BAHCC1: variants seen among roughly 807,000 people sequenced by gnomAD.
BAHCC1 encodes BAH domain and coiled-coil containing 1.
A neutral mutation model predicts 88.2 loss-of-function variants in BAHCC1; 43 were observed. The observed-to-expected ratio is 0.49, with a 90% CI of 0.38 to 0.63. The LOEUF is 0.63. BAHCC1 is among the 20% of genes least tolerant of loss of function. BAHCC1 has a pLI of 0.00. For synonymous variants in BAHCC1, 1,510 were observed against 745.5 expected (o/e 2.03, Z -16.71); for missense variants, 3,023 against 1,654.8 (o/e 1.83, Z -14.34).
At chr17:81,456,114 G>A (rs927376352) in intron 15 of BAHCC1, 183 bp from the exon 16 acceptor site, 57 of 555,318 alleles carry the variant, frequency 1.0e-4, no homozygotes, top group Non-Finnish European at 1.5e-4. Context: ...AGGCCGCAGC[G>A]TAGGCTCCAG....
At chr17:81,407,006 C>CT (rs1194373040) in intron 2 of BAHCC1, 21 of 456,126 alleles carry the variant, frequency 4.6e-5, no homozygotes, top group South Asian at 2.8e-4. Flanking sequence ...GGGTTCCTGC[C>CT]TTCCCTTCTC....
intron 2 of BAHCC1, chr17:81,407,040 A>G (rs1172337310): frequency 5.5e-5 from 25 of 454,592 alleles, no homozygotes; most frequent in Non-Finnish European, 9.7e-5. Context: ...CCCAAGAAAA[A>G]GTCCAGTGTC....
intron 16 of BAHCC1, 31 bp from the exon 17 acceptor site, chr17:81,457,379 A>T: frequency 1.3e-6 from 1 of 750,012 alleles, no homozygotes; most frequent in South Asian, 1.4e-5. Context: ...CTTACCATCA[A>T]GTCATCAGGA....
At chr17:81,439,180 G>T (rs1279069528) in intron 4 of BAHCC1, among the ~76,000 whole-genome samples, 1 of 152,246 alleles carries the variant, frequency 6.6e-6, no homozygotes, top group Non-Finnish European at 1.5e-5. Flanking sequence ...GCTGGAGGTG[G>T]GATGGGTGTG....
intron 16 of BAHCC1, 115 bp downstream of exon 16, chr17:81,456,700 G>T (rs1423477163): frequency 1.2e-5 from 7 of 605,410 alleles, no homozygotes; most frequent in African/African-American, 9.4e-5. Flanking sequence ...TGGCTTGTGG[G>T]GTGTGACAGG....
rs2063948554 is a variant in BAHCC1 at position 81,411,406 on chromosome 17, A to G, written c.178+11489A>G. 2 of 312,818 alleles carry G rather than the reference A, an allele frequency of 6.4e-6. No individual in the cohort carries two copies. The highest frequency in any genetic ancestry group is 4.3e-5 in the South Asian group (2 of 46,430). The allele number at this position is 312,818 out of a possible 1,614,324, so 19.4% of individuals were successfully genotyped here. A position where few individuals can be genotyped will look rare whatever the true frequency, so the allele number is the denominator to read the frequency against. On this transcript the variant is annotated intron_variant, in intron 2 of 27. Coordinates refer to ENST00000675386, the MANE Select transcript of BAHCC1 (RefSeq NM_001377448.1). The surrounding 1 kb of genome is among the most constrained non-coding windows in gnomAD (Gnocchi z 6.2). ...CACTGCTGGCTCCATCCTCCACTGC[A>G]TTCAAATTGATCAGGGAGGGTGGGG...
In BAHCC1 at chr17:81,399,128, AGTGTGTGTGT is replaced by A. The variant is rs375191474; in HGVS notation, c.-206-390_-206-381del. The A allele has an allele frequency of 2.6e-4, 60 of 231,824 alleles. No homozygotes were observed. The highest frequency in any genetic ancestry group is 1.1e-3 in the Middle Eastern group (1 of 942). The allele number at this position is 231,824 out of a possible 1,614,324, so 14.4% of individuals were successfully genotyped here. On this transcript the variant is annotated intron_variant, in intron 1 of 27. Coordinates refer to ENST00000675386, the MANE Select transcript of BAHCC1 (RefSeq NM_001377448.1). The surrounding 1 kb of genome is among the most constrained non-coding windows in gnomAD (Gnocchi z 4.5). The stretch of plus-strand genomic sequence containing the variant: ...GGGGAGGGGAGAGGGTGTGCGTGTG[AGTGTGTGTGT>A]GTGTGTGTGTGTGTGCGAGTGTGCG...
chr17:81,451,856 C>A lies in BAHCC1; in HGVS notation c.4165C>A (p.Pro1389Thr). The change falls in exon 12 of 28, where the codon CCC becomes ACC. Residue 1389 changes from proline (P) to threonine (T), a missense_variant. By Grantham distance (38) the Pro-to-Thr change is conservative. Coordinates refer to ENST00000675386, the MANE Select transcript of BAHCC1 (RefSeq NM_001377448.1). ...QILQRKDTWT[P>T]KTKPVCPLKA... is the part of the protein sequence containing the mutation. The stretch of plus-strand genomic sequence containing the variant: ...CCTGCAGCGCAAGGACACCTGGACC[C>A]CCAAGACCAAGCCTGTGAGTGGAGG... 1 of 743,356 alleles carries A rather than the reference C, an allele frequency of 1.3e-6. No homozygotes were observed. Among genetic ancestry groups the A allele is most frequent in the African/African-American group, 1.7e-5 (1 of 58,614 alleles). 46.0% of individuals were successfully genotyped at this position (743,356 alleles called of 1,614,324 possible). A position where few individuals can be genotyped will look rare whatever the true frequency, so the allele number is the denominator to read the frequency against.
intron 4 of BAHCC1, among the ~76,000 whole-genome samples, chr17:81,439,538 A>G (rs1188055614): frequency 1.3e-5 from 2 of 151,158 alleles, no homozygotes; most frequent in African/African-American, 4.9e-5. Flanking sequence ...AGGTGTCTGG[A>G]CACACGGGGT....
Position 81,435,128 on chromosome 17 carries a change from T to G in BAHCC1, c.359-3242T>G, listed in dbSNP as rs2064318317. Reference sequence around the variant, plus strand: ...CCCGACCCCCACTGACTGCCCACTCTCTCTCCTCCTGCCCACACCACAGGC... The same window carrying G: ...CCCGACCCCCACTGACTGCCCACTCGCTCTCCTCCTGCCCACACCACAGGC... On this transcript the variant is annotated intron_variant, in intron 3 of 27. Coordinates refer to ENST00000675386, the MANE Select transcript of BAHCC1 (RefSeq NM_001377448.1). The surrounding 1 kb of genome is among the most constrained non-coding windows in gnomAD (Gnocchi z 4.4). 6.6e-6 allele frequency among the ~76,000 whole-genome samples: 1 copy of G among 150,950 alleles called. No homozygotes were observed. The highest frequency in any genetic ancestry group is 2.1e-4 in the South Asian group (1 of 4,778).
chr17:81,445,820 C>T, intron 10 of BAHCC1, 139 bp downstream of exon 10: 1 of 604,808 alleles, frequency 1.7e-6, no homozygotes, highest in Non-Finnish European at 3.0e-6. Context: ...TGGCTGTTCC[C>T]TTCCTCTCTC....
intron 13 of BAHCC1, 109 bp from the exon 14 acceptor site, chr17:81,452,614 C>T (rs2064662423): frequency 1.8e-6 from 1 of 559,260 alleles, no homozygotes; most frequent in Non-Finnish European, 3.2e-6. Context: ...GTCTGGGCCG[C>T]ATCTTTCCCC....
intron 2 of BAHCC1, among the ~76,000 whole-genome samples, chr17:81,412,522 T>TG (rs1223858775): frequency 6.6e-6 from 1 of 152,192 alleles, no homozygotes; most frequent in Admixed American, 6.5e-5. Flanking sequence ...GGGAGGCGGC[T>TG]GGGGGTCAGA....
At chr17:81,415,874 G>A (rs1275830416) in intron 2 of BAHCC1, among the ~76,000 whole-genome samples, 3 of 152,248 alleles carry the variant, frequency 2.0e-5, no homozygotes, top group East Asian at 1.9e-4. Flanking sequence ...CAGAACCATC[G>A]AGGACGGCCC....
intron 21 of BAHCC1, 30 bp from the exon 22 acceptor site, chr17:81,459,223 G>A (rs370438827): frequency 1.9e-5 from 15 of 776,048 alleles, no homozygotes; most frequent in East Asian, 1.2e-4. Flanking sequence ...ACCGAGACCC[G>A]TGGCACCTCA....
intron 4 of BAHCC1, among the ~76,000 whole-genome samples, chr17:81,439,395 T>TAG (rs1555652178): frequency 1.3e-5 from 2 of 151,286 alleles, no homozygotes; most frequent in African/African-American, 4.9e-5. Context: ...CAGGGAGGGA[T>TAG]AGAGGGGTCT....
chr17:81,434,826 C>T lies in BAHCC1; in HGVS notation c.359-3544C>T, dbSNP rs1355735184. ...TGGCCTGGAGAGGGCAGGGCCTCGACGTGCGGGGCTGTTGGGAAAATGTGC... is the reference window on the plus strand; with the variant it reads ...TGGCCTGGAGAGGGCAGGGCCTCGATGTGCGGGGCTGTTGGGAAAATGTGC... On this transcript the variant is annotated intron_variant, in intron 3 of 27. Transcript: ENST00000675386. This position sits in a 1 kb window ranked among gnomAD's most constrained non-coding sequence, Gnocchi z 4.9. 6.6e-6 allele frequency among the ~76,000 whole-genome samples: 1 copy of T among 151,962 alleles called. No homozygotes were observed. Among genetic ancestry groups the T allele is most frequent in the Non-Finnish European group, 1.5e-5 (1 of 67,970 alleles).
At position 81,416,893 on chromosome 17, in the gene BAHCC1, GAGCACTAGAGTCTCCCTAC is replaced by G. The variant is rs1598463120; in HGVS notation, c.179-9903_179-9885del. 2.0e-5 allele frequency among the ~76,000 whole-genome samples: 3 copies of G among 152,330 alleles called. No homozygotes were observed. In the East Asian group the frequency reaches 5.8e-4, roughly 29 times the overall value. On this transcript the variant is annotated intron_variant, in intron 2 of 27. Coordinates refer to ENST00000675386, the MANE Select transcript of BAHCC1 (RefSeq NM_001377448.1). The stretch of plus-strand genomic sequence containing the variant: ...CATGGCTATGTGGACACAGGGCCAA[GAGCACTAGAGTCTCCCTAC>G]AGCCCGGCTCTGTCGGGGCTCATCC...
At chr17:81,396,972 G>C (rs1363410116) in intron 1 of BAHCC1, 1 of 152,196 alleles carries the variant, frequency 6.6e-6, no homozygotes, top group Admixed American at 6.5e-5. Context: ...GCTGGGCTGG[G>C]AGTGGGCCCC....
Sources: gnomAD v4.1 joint callset for allele counts (sites outside exome capture counted in the v4.1 genomes callset) on GRCh38, gnomAD v4.1.1 for gene constraint, Gnocchi (gnomAD v3.1) non-coding constraint, MANE v1.5 for transcripts, NCBI Gene and HGNC (gene_info 2026-07-23, HGNC 2026-07-21) for gene names.